Variants in GRM1 observed in about 807,000 individuals in gnomAD.
GRM1 encodes the protein glutamate metabotropic receptor 1.
GRM1 carries 33 observed loss-of-function variants against 90.9 expected under a neutral mutation model. That is an observed-to-expected ratio of 0.36 (90% CI 0.28 to 0.49). The LOEUF (loss-of-function observed/expected upper bound fraction) is 0.49, where lower values mean the gene tolerates loss of function less well. Ranked by LOEUF, GRM1 falls within the 20% of genes least tolerant of loss-of-function variation. GRM1 has a pLI of 0.99. For synonymous variants in GRM1, 700 were observed against 613.2 expected (o/e 1.14, Z -2.09); for missense variants, 1,190 against 1,534.3 (o/e 0.78, Z 3.75).
intron 2 of GRM1, among the ~76,000 whole-genome samples, chr6:146,247,688 T>C (rs1475853612): frequency 6.7e-6 from 1 of 149,848 alleles, no homozygotes. Context: ...GAGGTGGAGA[T>C]TGCAGTGAGC....
intron 2 of GRM1, among the ~76,000 whole-genome samples, chr6:146,169,322 G>C (rs191191066): frequency 6.6e-6 from 1 of 151,816 alleles, no homozygotes; most frequent in African/African-American, 2.4e-5. Context: ...CATTCTTCTG[G>C]GATATATAAA....
At position 146,401,554 on chromosome 6, in the gene GRM1, G is replaced by A. The variant is rs193058626; in HGVS notation, c.2660+1855G>A. 1.3e-4 allele frequency among the ~76,000 whole-genome samples: 20 copies of A among 152,242 alleles called. 1 individual carries two copies. The highest frequency in any genetic ancestry group is 7.8e-4 in the Admixed American group (12 of 15,290). On this transcript the variant is annotated intron_variant, in intron 7 of 7. Transcript: ENST00000282753. ...ATTTCTTAAACTGGAGTGTTCACAA[G>A]GATTAAAAGATTCACTTTATTGCAA...
intron 1 of GRM1, among the ~76,000 whole-genome samples, chr6:146,117,841 G>A (rs576149902): frequency 6.6e-6 from 1 of 151,970 alleles, no homozygotes; most frequent in African/African-American, 2.4e-5. Flanking sequence ...TAAAAACCAA[G>A]AATTTAAGTT....
chr6:146,211,207 G>A (rs1779677433), intron 2 of GRM1, among the ~76,000 whole-genome samples: 2 of 151,932 alleles, frequency 1.3e-5, no homozygotes, highest in Non-Finnish European at 2.9e-5. Flanking sequence ...AAAGTAATGA[G>A]CATTGAGTTT....
At chr6:146,104,260 G>A (rs1777148830) in intron 1 of GRM1, among the ~76,000 whole-genome samples, 1 of 152,122 alleles carries the variant, frequency 6.6e-6, no homozygotes, top group Non-Finnish European at 1.5e-5. Context: ...CTAACACGGT[G>A]AAACCCCGTC....
At chr6:146,055,749 A>T (rs529514226) in intron 1 of GRM1, among the ~76,000 whole-genome samples, 2 of 152,292 alleles carry the variant, frequency 1.3e-5, no homozygotes, top group South Asian at 4.1e-4. Flanking sequence ...ATCAAATGGA[A>T]TATAAATGAT....
At chr6:146,181,936 C>G (rs1371115706) in intron 2 of GRM1, among the ~76,000 whole-genome samples, 2 of 151,884 alleles carry the variant, frequency 1.3e-5, no homozygotes, top group African/African-American at 4.8e-5. Context: ...GAACACACAG[C>G]AGTGGAATTT....
At chr6:146,087,201 C>T (rs1776575928) in intron 1 of GRM1, among the ~76,000 whole-genome samples, 1 of 152,070 alleles carries the variant, frequency 6.6e-6, no homozygotes, top group African/African-American at 2.4e-5. Flanking sequence ...GAGTAAGGTT[C>T]TTTCATCCCT....
chr6:146,130,570 C>T (rs1000519007), intron 1 of GRM1, among the ~76,000 whole-genome samples: 4 of 151,930 alleles, frequency 2.6e-5, no homozygotes, highest in Non-Finnish European at 4.4e-5. Context: ...TTTTCTTTCA[C>T]CTCAGTGAAC....
chr6:146,217,556 GA>G (rs1779915669), intron 2 of GRM1, among the ~76,000 whole-genome samples: 1 of 152,158 alleles, frequency 6.6e-6, no homozygotes, highest in African/African-American at 2.4e-5. Flanking sequence ...AGAATAAGAG[GA>G]AGATTATGCC....
At chr6:146,293,341 A>G (rs1453470948) in intron 2 of GRM1, among the ~76,000 whole-genome samples, 2 of 152,034 alleles carry the variant, frequency 1.3e-5, no homozygotes, top group Non-Finnish European at 2.9e-5. Flanking sequence ...TGCTTGATGC[A>G]GGTGAATTGT....
intron 1 of GRM1, among the ~76,000 whole-genome samples, chr6:146,127,542 A>G (rs1776241970): frequency 6.6e-6 from 1 of 152,184 alleles, no homozygotes; most frequent in South Asian, 2.1e-4. Context: ...TCAAAGGATC[A>G]GACACGGGGT....
intron 3 of GRM1, among the ~76,000 whole-genome samples, chr6:146,334,283 C>A (rs1036760602): frequency 2.0e-5 from 3 of 152,206 alleles, no homozygotes; most frequent in Non-Finnish European, 4.4e-5. Context: ...AACCTGGCAG[C>A]CTACTGCCTA....
chr6:146,309,355 C>T (rs765669887), intron 3 of GRM1, among the ~76,000 whole-genome samples: 8 of 151,162 alleles, frequency 5.3e-5, no homozygotes, highest in South Asian at 2.1e-4. Context: ...GCCGAGATCG[C>T]GCCACTGCAC....
intron 1 of GRM1, among the ~76,000 whole-genome samples, chr6:146,149,381 A>C (rs1306101155): frequency 6.6e-6 from 1 of 152,230 alleles, no homozygotes; most frequent in Non-Finnish European, 1.5e-5. Context: ...ACATGGGCAT[A>C]AAGCTAAAGC....
chr6:146,154,571 T>C (rs758336922), intron 1 of GRM1, among the ~76,000 whole-genome samples: 6 of 152,242 alleles, frequency 3.9e-5, no homozygotes, highest in Non-Finnish European at 8.8e-5. Flanking sequence ...ATGCATTAAT[T>C]TGATCATTTA....
At chr6:146,349,044 C>CTAT (rs71028388) in intron 3 of GRM1, among the ~76,000 whole-genome samples, 21,147 of 141,362 alleles carry the variant, frequency 0.15, 1,604 homozygotes, top group Admixed American at 0.2. Context: ...GAAGTGGTAG[C>CTAT]TATTATTATT....
chr6:146,359,455 A>C (rs1057005358), intron 5 of GRM1, among the ~76,000 whole-genome samples: 1 of 152,218 alleles, frequency 6.6e-6, no homozygotes, highest in African/African-American at 2.4e-5. Context: ...TGTAGCATTG[A>C]GTCTATTGTG....
At chr6:146,145,066 C>T (rs994973378) in intron 1 of GRM1, among the ~76,000 whole-genome samples, 1 of 151,960 alleles carries the variant, frequency 6.6e-6, no homozygotes, top group Non-Finnish European at 1.5e-5. Flanking sequence ...CTAAGCAAAA[C>T]GGAAGAAGCT....
Sources: gnomAD v4.1 joint callset for allele counts (sites outside exome capture counted in the v4.1 genomes callset) on GRCh38, gnomAD v4.1.1 for gene constraint, MANE v1.5 for transcripts, NCBI Gene and HGNC (gene_info 2026-07-23, HGNC 2026-07-21) for gene names.